Variants in SULF1 observed in about 807,000 individuals in gnomAD.
The protein encoded by SULF1 is sulfatase 1, also known as extracellular sulfatase Sulf-1.
A neutral mutation model predicts 110.5 loss-of-function variants in SULF1; 46 were observed. That is an observed-to-expected ratio of 0.42 (90% confidence interval 0.33 to 0.53). The LOEUF is 0.53. Ranked by LOEUF, SULF1 falls within the 20% of genes least tolerant of loss-of-function variation. SULF1 has a pLI of 0.12. For missense variants in SULF1, 941 were observed against 1,094.2 expected (o/e 0.86, Z 1.98); for synonymous variants, 371 against 387.1 (o/e 0.96, Z 0.49).
At chr8:69,528,451 C>A (rs970414964) in intron 3 of SULF1, among the ~76,000 whole-genome samples, 4 of 152,166 alleles carry the variant, frequency 2.6e-5, no homozygotes, top group Admixed American at 2.6e-4. Flanking sequence ...AATCCAAATT[C>A]TCAAAAGATT....
Position 69,621,128 on chromosome 8 carries a change from A to C in SULF1, c.1471A>C (p.Asn491His), listed in dbSNP as rs1809562927. Residue 491 changes from asparagine to histidine, a missense_variant, in exon 14 of 23, where the codon AAC (asparagine) becomes CAC (histidine). Transcript: ENST00000402687. ...GCTCACAGTCCGGCAGAGCACGCGG[A>C]ACCTCTACGCTCGCGGCTTCCATGA... ...DLLTVRQSTR[N>H]LYARGFHDKD... 1 of 1,614,062 alleles carries C rather than the reference A, an allele frequency of 6.2e-7. No homozygotes were observed. The highest frequency in any genetic ancestry group is 1.3e-5 in the African/African-American group (1 of 74,942).
chr8:69,631,266 C>T (rs1207264859), intron 19 of SULF1, among the ~76,000 whole-genome samples: 2 of 152,090 alleles, frequency 1.3e-5, no homozygotes, highest in Admixed American at 1.3e-4. Flanking sequence ...AGAAGGAGGC[C>T]CTTCATACCT....
chr8:69,564,216 A>T, intron 5 of SULF1, 69 bp downstream of exon 5: 4 of 1,567,922 alleles, frequency 2.6e-6, no homozygotes, highest in Non-Finnish European at 2.6e-6. Flanking sequence ...CAGGATTATC[A>T]GGAGACATTC....
intron 1 of SULF1, among the ~76,000 whole-genome samples, chr8:69,493,673 C>G (rs1232269096): frequency 6.6e-6 from 1 of 152,230 alleles, no homozygotes; most frequent in Admixed American, 6.5e-5. Flanking sequence ...GAAACTTGCA[C>G]TGGCTTGGGT....
chr8:69,599,698 A>G (rs1807633135), intron 8 of SULF1, among the ~76,000 whole-genome samples: 1 of 152,246 alleles, frequency 6.6e-6, no homozygotes, highest in African/African-American at 2.4e-5. Flanking sequence ...TCTGTTAAAG[A>G]GTTCAAATAT....
In SULF1 at chr8:69,586,405, C is replaced by G; in HGVS notation, c.461C>G (p.Pro154Arg). ...GAATATAATGGCAGCTACATCCCCCCTGGGTGGCGAGAATGGCTTGGATTA... is the reference window on the plus strand; with the variant it reads ...GAATATAATGGCAGCTACATCCCCCGTGGGTGGCGAGAATGGCTTGGATTA... ...LNEYNGSYIP[P>R]GWREWLGLIK... Residue 154 changes from proline (P) to arginine (R), a missense_variant, in exon 7 of 23, where the codon CCT becomes CGT. By Grantham distance (103) the Pro-to-Arg change is moderately radical (BLOSUM62 -2). Transcript: ENST00000402687. The G allele has an allele frequency of 1.2e-6, 2 of 1,609,828 alleles. No individual in the cohort carries two copies. Among genetic ancestry groups the G allele is most frequent in the Non-Finnish European group, 8.5e-7 (1 of 1,178,606 alleles).
At position 69,558,706 on chromosome 8, in the gene SULF1, A is replaced by G. The variant is rs557679477; in HGVS notation, c.-133-4833A>G. ...CCTTAAATGTGAGAGTCTGGGCTTA[A>G]CTATAGAACAAGGTACACTCTAAGC... is the stretch of plus-strand genomic sequence containing the variant. On this transcript the variant is annotated intron_variant, in intron 3 of 22. Coordinates refer to ENST00000402687, the MANE Select transcript of SULF1 (RefSeq NM_001128205.2). Among the ~76,000 whole-genome samples, 23 of 152,326 alleles carry G rather than the reference A, an allele frequency of 1.5e-4. No homozygotes were observed. In the East Asian group the frequency reaches 4.2e-3, roughly 28 times the overall value.
At chr8:69,631,559 A>G (rs1452492741) in intron 19 of SULF1, among the ~76,000 whole-genome samples, 2 of 152,252 alleles carry the variant, frequency 1.3e-5, no homozygotes, top group African/African-American at 4.8e-5. Context: ...CTGTCTCAAA[A>G]ATAAAATAAA....
At chr8:69,588,849 C>A in intron 7 of SULF1, 123 bp from the exon 8 acceptor site, 1 of 882,570 alleles carries the variant, frequency 1.1e-6, no homozygotes, top group Non-Finnish European at 1.7e-6. Context: ...TGCAGCCTTC[C>A]TTCCTGCTGT....
At position 69,627,953 on chromosome 8, in the gene SULF1, T is replaced by C. The variant is rs547867743; in HGVS notation, c.2042+87T>C. ...TAGCACTGGGCTCATTTTTCTCTCT[T>C]ACCTATAGAATGTATTGTCATAGAG... On this transcript the variant is annotated intron_variant, in intron 17 of 22. Coordinates refer to ENST00000402687, the MANE Select transcript of SULF1 (RefSeq NM_001128205.2). 5 of 1,031,906 alleles carry C rather than the reference T, an allele frequency of 4.8e-6. No homozygotes were observed. The South Asian group carries it at 5.7e-5, about 12-fold the overall frequency. 63.9% of individuals were successfully genotyped at this position (1,031,906 alleles called of 1,614,324 possible).
chr8:69,599,722 T>G (rs978504390), intron 8 of SULF1, among the ~76,000 whole-genome samples: 5 of 152,176 alleles, frequency 3.3e-5, no homozygotes, highest in African/African-American at 1.2e-4. Flanking sequence ...TAAATAATTC[T>G]CAGGGTGAGA....
At chr8:69,561,059 G>T (rs982105579) in intron 3 of SULF1, among the ~76,000 whole-genome samples, 9 of 152,104 alleles carry the variant, frequency 5.9e-5, no homozygotes, top group African/African-American at 2.2e-4. Flanking sequence ...GCCCAGCAAG[G>T]TGACCACAGT....
chr8:69,502,832 C>T (rs1439575964), intron 3 of SULF1, among the ~76,000 whole-genome samples: 2 of 151,686 alleles, frequency 1.3e-5, no homozygotes, highest in African/African-American at 2.4e-5. Context: ...GGATTACAGG[C>T]GCCTGCCACC....
intron 1 of SULF1, among the ~76,000 whole-genome samples, chr8:69,477,542 C>T (rs545002964): frequency 6.6e-6 from 1 of 152,168 alleles, no homozygotes; most frequent in Admixed American, 6.5e-5. Context: ...TTATTATTCC[C>T]CTGGTAACTT....
intron 3 of SULF1, among the ~76,000 whole-genome samples, chr8:69,537,590 C>T (rs1348498581): frequency 1.3e-5 from 2 of 152,158 alleles, no homozygotes; most frequent in East Asian, 3.9e-4. Flanking sequence ...CAAGGGGATT[C>T]GTCCTCATGA....
intron 3 of SULF1, among the ~76,000 whole-genome samples, chr8:69,537,068 G>T (rs1365333162): frequency 6.6e-6 from 1 of 152,154 alleles, no homozygotes; most frequent in Non-Finnish European, 1.5e-5. Flanking sequence ...ATGGTTCCTG[G>T]CTTATACTCT....
intron 8 of SULF1, among the ~76,000 whole-genome samples, chr8:69,594,112 C>T (rs1405989098): frequency 1.3e-5 from 2 of 151,842 alleles, no homozygotes; most frequent in East Asian, 1.9e-4. Context: ...AGTGCAATGG[C>T]ACAATCTCGG....
chr8:69,631,587 A>G (rs1810549268), intron 19 of SULF1, among the ~76,000 whole-genome samples: 1 of 152,244 alleles, frequency 6.6e-6, no homozygotes, highest in African/African-American at 2.4e-5. Flanking sequence ...AAAATCCTTA[A>G]CATATCCAAC....
At chr8:69,530,515 G>T (rs1813008145) in intron 3 of SULF1, among the ~76,000 whole-genome samples, 1 of 152,070 alleles carries the variant, frequency 6.6e-6, no homozygotes, top group Non-Finnish European at 1.5e-5. Flanking sequence ...ACTAAAACTT[G>T]CTTTTGTTAC....
Sources: gnomAD v4.1 joint callset for allele counts (sites outside exome capture counted in the v4.1 genomes callset) on GRCh38, gnomAD v4.1.1 for gene constraint, MANE v1.5 for transcripts, NCBI Gene and HGNC (gene_info 2026-07-23, HGNC 2026-07-21) for gene names.